Variants in LRP8 observed in about 807,000 individuals in gnomAD.
The protein encoded by LRP8 is low-density lipoprotein receptor-related protein 8.
A neutral mutation model predicts 111.6 loss-of-function variants in LRP8; 46 were observed. The observed-to-expected ratio is 0.41, with a 90% CI of 0.33 to 0.53. LRP8 has a LOEUF of 0.53. LRP8 is among the 20% of genes least tolerant of loss of function. The pLI is 0.20. For synonymous variants in LRP8, 464 were observed against 511.2 expected, an observed-to-expected ratio of 0.91 and a Z score of 1.24; for missense variants, 959 against 1,297.4, an observed-to-expected ratio of 0.74 and a Z score of 4.01.
intron 3 of LRP8, among the ~76,000 whole-genome samples, chr1:53,282,163 G>A (rs576033273): frequency 5.3e-5 from 8 of 152,330 alleles, no homozygotes; most frequent in Middle Eastern, 3.4e-3. Flanking sequence ...GAGTTGGGGA[G>A]GGGAGCAGGT....
At chr1:53,264,949 G>T (rs1335801786) in intron 9 of LRP8, among the ~76,000 whole-genome samples, 1 of 152,122 alleles carries the variant, frequency 6.6e-6, no homozygotes, top group South Asian at 2.1e-4. Context: ...AAGGAATTAG[G>T]ATTTCTCCCC....
At position 53,250,640 on chromosome 1, in the gene LRP8, G is replaced by A. The variant is rs1485917224; in HGVS notation, c.2676+50C>T. 6.5e-7 allele frequency: 1 copy of A among 1,526,762 alleles called. No individual in the cohort carries two copies. The highest frequency in any genetic ancestry group is 9.0e-7 in the Non-Finnish European group (1 of 1,107,028). The allele number at this position is 1,526,762 out of a possible 1,614,324, so 94.6% of individuals were successfully genotyped here. A position where few individuals can be genotyped will look rare whatever the true frequency, so the allele number is the denominator to read the frequency against. Reference sequence around the variant, plus strand: ...AAGGATGGGAGGGGAAGAAAGGATGGAAGGGAAGATGGTCGGAAGGTAGGA... The same window carrying A: ...AAGGATGGGAGGGGAAGAAAGGATGAAAGGGAAGATGGTCGGAAGGTAGGA... On this transcript the variant is annotated intron_variant, in intron 17 of 18. Transcript: ENST00000306052. The surrounding 1 kb of genome is among the most constrained non-coding windows in gnomAD (Gnocchi z 4.6).
At chr1:53,285,586 A>T (rs1439200883) in intron 3 of LRP8, among the ~76,000 whole-genome samples, 1 of 152,118 alleles carries the variant, frequency 6.6e-6, no homozygotes. Context: ...GGGGAACCAT[A>T]TGGAAATCCC....
intron 2 of LRP8, among the ~76,000 whole-genome samples, chr1:53,315,547 G>A (rs1572681323): frequency 6.6e-6 from 1 of 152,326 alleles, no homozygotes; most frequent in East Asian, 1.9e-4. Flanking sequence ...CTGGGAAGTG[G>A]TGAGGTGTGG....
rs533158322 is a variant in LRP8 at position 53,317,707 on chromosome 1, G to A, written c.244+9166C>T. On this transcript the variant is annotated intron_variant, in intron 2 of 18. Coordinates refer to ENST00000306052, the MANE Select transcript of LRP8 (RefSeq NM_004631.5). The surrounding 1 kb of genome is among the most constrained non-coding windows in gnomAD (Gnocchi z 4.9). The stretch of plus-strand genomic sequence containing the variant: ...CTGGGCAAAGTACTTTCCTCAGCCC[G>A]CACACCTCCGGAATATGGGCTCATT... Among the ~76,000 whole-genome samples the A allele has an allele frequency of 7.9e-5, 12 of 152,298 alleles. No individual in the cohort carries two copies. The East Asian group carries it at 1.5e-3, about 20-fold the overall frequency.
Position 53,250,620 on chromosome 1 carries a change from T to G in LRP8, c.2676+70A>C. 1 of 1,353,824 alleles carries G rather than the reference T, an allele frequency of 7.4e-7. No homozygotes were observed. The highest frequency in any genetic ancestry group is 2.4e-5 in the East Asian group (1 of 42,508). The allele number at this position is 1,353,824 out of a possible 1,614,324, so 83.9% of individuals were successfully genotyped here. A position where few individuals can be genotyped will look rare whatever the true frequency, so the allele number is the denominator to read the frequency against. On this transcript the variant is annotated intron_variant, in intron 17 of 18. Transcript: ENST00000306052. This position sits in a 1 kb window ranked among gnomAD's most constrained non-coding sequence, Gnocchi z 4.6. Reference sequence around the variant, plus strand: ...AGAAAGGATGGGAAGGAAGAAAGGATGGGAGGGGAAGAAAGGATGGAAGGG... The same window carrying G: ...AGAAAGGATGGGAAGGAAGAAAGGAGGGGAGGGGAAGAAAGGATGGAAGGG...
chr1:53,284,612 T>C (rs1203967223), intron 3 of LRP8, among the ~76,000 whole-genome samples: 2 of 152,240 alleles, frequency 1.3e-5, no homozygotes, highest in Non-Finnish European at 2.9e-5. Flanking sequence ...AGCGGCTGCT[T>C]GAACTTTTAA....
At position 53,303,853 on chromosome 1, in the gene LRP8, G is replaced by A. The variant is rs1651447021; in HGVS notation, c.245-14164C>T. ...GACAGGGGACTCAGTCAGCCGTGCTGGCTGGAGGCTGAACACGTTCCTTCC... is the reference window on the plus strand; with the variant it reads ...GACAGGGGACTCAGTCAGCCGTGCTAGCTGGAGGCTGAACACGTTCCTTCC... On this transcript the variant is annotated intron_variant, in intron 2 of 18. Coordinates refer to ENST00000306052, the MANE Select transcript of LRP8 (RefSeq NM_004631.5). This position sits in a 1 kb window ranked among gnomAD's most constrained non-coding sequence, Gnocchi z 4.3. 6.6e-6 allele frequency among the ~76,000 whole-genome samples: 1 copy of A among 152,184 alleles called. No individual in the cohort carries two copies. Among genetic ancestry groups the A allele is most frequent in the African/African-American group, 2.4e-5 (1 of 41,438 alleles).
chr1:53,260,312 T>C (rs764612990), intron 13 of LRP8, 152 bp downstream of exon 13: 101 of 700,756 alleles, frequency 1.4e-4, no homozygotes, highest in Middle Eastern at 8.2e-4. Flanking sequence ...AAATATATGA[T>C]GAAAAAGTAC....
At chr1:53,272,511 A>G (rs7546246) in intron 6 of LRP8, 474,145 of 1,166,998 alleles carry the variant, frequency 0.41, 100,279 homozygotes, top group East Asian at 0.77. Flanking sequence ...GGCCATGCAT[A>G]TAGCTGGTCT....
chr1:53,269,534 T>TG (rs1172453335), intron 8 of LRP8, among the ~76,000 whole-genome samples: 1 of 152,034 alleles, frequency 6.6e-6, no homozygotes, highest in Admixed American at 6.6e-5. Flanking sequence ...AGACTAGTCT[T>TG]GAACTCCTGG....
chr1:53,258,313 G>C lies in LRP8; in HGVS notation c.2209+6C>G, dbSNP rs911953394. ...AGGGGCCATCCCTCCTGGAAGGTCT[G>C]CTTACCTCGGTAGCACCTCTTCATG... On this transcript the variant is annotated splice_donor_region_variant and intron_variant, in intron 14 of 18. Coordinates refer to ENST00000306052, the MANE Select transcript of LRP8 (RefSeq NM_004631.5). 8.7e-6 allele frequency: 14 copies of C among 1,613,088 alleles called. No homozygotes were observed. In the East Asian group the frequency reaches 3.1e-4, roughly 36 times the overall value.
chr1:53,311,457 C>T (rs1033889244), intron 2 of LRP8, among the ~76,000 whole-genome samples: 2 of 152,120 alleles, frequency 1.3e-5, no homozygotes, highest in Non-Finnish European at 2.9e-5. Context: ...GGCCACAAAG[C>T]GCCCTCCCCC....
chr1:53,276,978 G>A lies in LRP8; in HGVS notation c.597C>T (p.Arg199=). The change falls in exon 5 of 19, where the codon CGC becomes CGT. Residue 199 remains arginine (R), a synonymous_variant. Transcript: ENST00000306052. ...DDDCGDGSDE[R]GCADPACGPR... is the part of the protein sequence containing the mutation. Reference sequence around the variant, plus strand: ...GCCCGCAGGCCGGGTCTGCACAGCCGCGCTCATCGCTGCCGTCACCACAGT... The same window carrying A: ...GCCCGCAGGCCGGGTCTGCACAGCCACGCTCATCGCTGCCGTCACCACAGT... 5 of 1,509,012 alleles carry A rather than the reference G, an allele frequency of 3.3e-6. No homozygotes were observed. The highest frequency in any genetic ancestry group is 4.4e-6 in the Non-Finnish European group (5 of 1,132,080). The allele number at this position is 1,509,012 out of a possible 1,614,324, so 93.5% of individuals were successfully genotyped here.
chr1:53,252,229 A>G (rs903719490), intron 16 of LRP8, among the ~76,000 whole-genome samples: 8 of 151,854 alleles, frequency 5.3e-5, no homozygotes, highest in Admixed American at 2.6e-4. Flanking sequence ...AGCAACAACC[A>G]ATTAGAAAAT....
At chr1:53,292,589 C>T (rs1427195170) in intron 2 of LRP8, among the ~76,000 whole-genome samples, 1 of 152,196 alleles carries the variant, frequency 6.6e-6, no homozygotes, top group East Asian at 1.9e-4. Context: ...GGTTTTCCCC[C>T]CACAAGAAGC....
chr1:53,304,803 C>T (rs573347494), intron 2 of LRP8, among the ~76,000 whole-genome samples: 1 of 152,316 alleles, frequency 6.6e-6, no homozygotes, highest in East Asian at 1.9e-4. Flanking sequence ...CAGAAGGGGA[C>T]AGACATGGCT....
In LRP8 at chr1:53,293,159, T is replaced by C. The variant is rs757084305; in HGVS notation, c.245-3470A>G. On this transcript the variant is annotated intron_variant, in intron 2 of 18. Transcript: ENST00000306052. This position sits in a 1 kb window ranked among gnomAD's most constrained non-coding sequence, Gnocchi z 4.9. The stretch of plus-strand genomic sequence containing the variant: ...TACCCCCCAAAAACCCTGCCCTCCC[T>C]GGGATTCTGAAAGCCTGGGGGTGAT... Among the ~76,000 whole-genome samples the C allele has an allele frequency of 3.3e-5, 5 of 152,224 alleles. No homozygotes were observed. Among genetic ancestry groups the C allele is most frequent in the Non-Finnish European group, 5.9e-5 (4 of 68,036 alleles).
rs529614347 is a variant in LRP8, at chr1:53,279,292, A to G, written c.496+1295T>C. Among the ~76,000 whole-genome samples, 8 of 152,276 alleles carry G rather than the reference A, an allele frequency of 5.3e-5. No homozygotes were observed. Among genetic ancestry groups the G allele is most frequent in the African/African-American group, 1.9e-4 (8 of 41,550 alleles). Reference sequence around the variant, plus strand: ...GAAGCTATAGCATAGAAGCCCAGTAAGACCTTCTGACACCTCTCTCTCCCA... The same window carrying G: ...GAAGCTATAGCATAGAAGCCCAGTAGGACCTTCTGACACCTCTCTCTCCCA... On this transcript the variant is annotated intron_variant, in intron 4 of 18. Coordinates refer to ENST00000306052, the MANE Select transcript of LRP8 (RefSeq NM_004631.5). The surrounding 1 kb of genome is among the most constrained non-coding windows in gnomAD (Gnocchi z 4.4).
Sources: gnomAD v4.1 joint callset for allele counts (sites outside exome capture counted in the v4.1 genomes callset) on GRCh38, gnomAD v4.1.1 for gene constraint, Gnocchi (gnomAD v3.1) non-coding constraint, MANE v1.5 for transcripts, NCBI Gene and HGNC (gene_info 2026-07-23, HGNC 2026-07-21) for gene names.